The following SLC30A9 variants were observed in gnomAD, a reference collection of about 807,000 sequenced individuals.
SLC30A9 encodes the protein proton-coupled zinc antiporter SLC30A9, mitochondrial.
SLC30A9 carries 58 observed loss-of-function variants against 87.5 expected under a neutral mutation model. The ratio of observed to expected loss-of-function variants is 0.66; its 90% CI spans 0.54 to 0.82. The LOEUF (loss-of-function observed/expected upper bound fraction) is 0.82. Among genes scored for constraint, SLC30A9 ranks in the 40% least tolerant of loss-of-function variants. SLC30A9 has a pLI of 0.00. For missense variants in SLC30A9, 557 were observed against 679.1 expected (o/e 0.82, Z 2.00); for synonymous variants, 234 against 233.0 (o/e 1.00, Z -0.04).
At chr4:42,077,228 C>A (rs1371301585) in intron 16 of SLC30A9, among the ~76,000 whole-genome samples, 1 of 151,958 alleles carries the variant, frequency 6.6e-6, no homozygotes, top group Non-Finnish European at 1.5e-5. Flanking sequence ...TAAATTTTTG[C>A]CAGTTTGATA....
chr4:42,026,623 A>G (rs916635911), intron 6 of SLC30A9, among the ~76,000 whole-genome samples: 1 of 151,484 alleles, frequency 6.6e-6, no homozygotes, highest in Non-Finnish European at 1.5e-5. Flanking sequence ...ACTGATTTTT[A>G]TTAGTATTAG....
intron 1 of SLC30A9, among the ~76,000 whole-genome samples, chr4:41,995,209 G>A (rs768333342): frequency 9.2e-5 from 14 of 152,176 alleles, no homozygotes; most frequent in Non-Finnish European, 1.6e-4. Flanking sequence ...GCAGTGAGCC[G>A]AGATCGTGCC....
intron 17 of SLC30A9, among the ~76,000 whole-genome samples, chr4:42,079,606 ATT>A (rs34885731): frequency 1.1e-4 from 15 of 140,254 alleles, no homozygotes; most frequent in African/African-American, 1.9e-4. Flanking sequence ...ACCCAGTCAC[ATT>A]TTTTTTTTTT....
chr4:42,039,203 T>A (rs2153137412), intron 8 of SLC30A9, 150 bp downstream of exon 8: 1 of 622,794 alleles, frequency 1.6e-6, no homozygotes, highest in Non-Finnish European at 2.9e-6. Context: ...TTTATTATTG[T>A]CAGTAAAGTG....
At chr4:42,049,894 A>G (rs879290724) in intron 9 of SLC30A9, among the ~76,000 whole-genome samples, 2 of 152,218 alleles carry the variant, frequency 1.3e-5, no homozygotes, top group Non-Finnish European at 2.9e-5. Flanking sequence ...TATTAATACA[A>G]TTAAAAGACC....
intron 15 of SLC30A9, among the ~76,000 whole-genome samples, chr4:42,072,146 A>G (rs575505744): frequency 6.6e-6 from 1 of 152,138 alleles, no homozygotes; most frequent in East Asian, 1.9e-4. Context: ...CATTTCTGTA[A>G]TTTGAATCTC....
At chr4:42,012,451 T>TA (rs1715486509) in intron 2 of SLC30A9, among the ~76,000 whole-genome samples, 1 of 152,082 alleles carries the variant, frequency 6.6e-6, no homozygotes, top group Non-Finnish European at 1.5e-5. Context: ...AATGTCATTT[T>TA]AAAAAAAGCT....
At chr4:41,990,815 C>T in intron 1 of SLC30A9, 55 bp downstream of exon 1, 3 of 1,319,258 alleles carry the variant, frequency 2.3e-6, no homozygotes, top group South Asian at 1.2e-5. Flanking sequence ...GAGGGCCAGG[C>T]TGGGCTCGGC....
At chr4:42,034,868 C>G (rs1716614112) in intron 6 of SLC30A9, among the ~76,000 whole-genome samples, 1 of 152,144 alleles carries the variant, frequency 6.6e-6, no homozygotes, top group Non-Finnish European at 1.5e-5. Context: ...TTTTCCATAA[C>G]AATTGCACCA....
At chr4:42,072,171 A>G (rs143845917) in intron 15 of SLC30A9, among the ~76,000 whole-genome samples, 1 of 152,132 alleles carries the variant, frequency 6.6e-6, no homozygotes, top group Non-Finnish European at 1.5e-5. Context: ...TTTCTTGGTC[A>G]GTGTAGCTAA....
At chr4:42,069,807 TAGAATC>T (rs2153140530) in intron 14 of SLC30A9, among the ~76,000 whole-genome samples, 2 of 152,332 alleles carry the variant, frequency 1.3e-5, no homozygotes, top group African/African-American at 4.8e-5. Context: ...AGGCAAATAT[TAGAATC>T]AGAATCACCT....
intron 17 of SLC30A9, among the ~76,000 whole-genome samples, chr4:42,084,934 A>T (rs1199663556): frequency 6.6e-6 from 1 of 152,228 alleles, no homozygotes; most frequent in African/African-American, 2.4e-5. Context: ...GCTCATTGTC[A>T]TATACACTTC....
chr4:42,011,082 T>G (rs1369326552), intron 2 of SLC30A9, among the ~76,000 whole-genome samples: 1 of 152,146 alleles, frequency 6.6e-6, no homozygotes, highest in Non-Finnish European at 1.5e-5. Context: ...ACCAGTGTAC[T>G]AGTCCATTTT....
chr4:42,066,682 T>A (rs1577718653), intron 13 of SLC30A9, 61 bp downstream of exon 13: 1 of 1,078,988 alleles, frequency 9.3e-7, no homozygotes, highest in East Asian at 2.4e-5. Flanking sequence ...AATTACTTAG[T>A]ACTGTTATTG....
At chr4:42,024,144 C>T (rs1412378560) in intron 6 of SLC30A9, among the ~76,000 whole-genome samples, 2 of 152,176 alleles carry the variant, frequency 1.3e-5, no homozygotes, top group African/African-American at 4.8e-5. Context: ...ATCCAATACC[C>T]GCTATGAACA....
chr4:42,003,419 G>T (rs1460905870), intron 2 of SLC30A9, among the ~76,000 whole-genome samples: 2 of 152,068 alleles, frequency 1.3e-5, no homozygotes, highest in African/African-American at 2.4e-5. Context: ...TCTGATGGTA[G>T]ATTTGATGGT....
At chr4:42,007,096 T>A (rs1242691747) in intron 2 of SLC30A9, among the ~76,000 whole-genome samples, 1 of 151,984 alleles carries the variant, frequency 6.6e-6, no homozygotes, top group Non-Finnish European at 1.5e-5. Context: ...AGGAGGGAGA[T>A]TGAAAGTAGT....
intron 6 of SLC30A9, among the ~76,000 whole-genome samples, chr4:42,028,769 G>A (rs1369888717): frequency 6.6e-6 from 1 of 152,200 alleles, no homozygotes; most frequent in Non-Finnish European, 1.5e-5. Context: ...CAGTGGTTTA[G>A]CAGTTTTACT....
intron 9 of SLC30A9, among the ~76,000 whole-genome samples, chr4:42,053,181 A>G (rs1405536842): frequency 1.3e-5 from 2 of 152,256 alleles, no homozygotes; most frequent in African/African-American, 2.4e-5. Flanking sequence ...CATATCCACT[A>G]TAATGGCTAC....
Sources: gnomAD v4.1 joint callset for allele counts (sites outside exome capture counted in the v4.1 genomes callset) on GRCh38, gnomAD v4.1.1 for gene constraint, MANE v1.5 for transcripts, NCBI Gene and HGNC (gene_info 2026-07-23, HGNC 2026-07-21) for gene names.